The following ASIC2 variants were observed in gnomAD, a reference collection of about 807,000 sequenced individuals.
ASIC2 encodes acid sensing ion channel subunit 2, also known as acid-sensing ion channel 2.
ASIC2 carries 25 observed loss-of-function variants against 57.3 expected under a neutral mutation model. That is an observed-to-expected ratio of 0.44 (90% CI 0.32 to 0.61). The LOEUF (loss-of-function observed/expected upper bound fraction) is 0.61, where lower values mean the gene tolerates loss of function less well. ASIC2 is among the 20% of genes least tolerant of loss of function. The pLI is 0.06. For missense variants in ASIC2, 641 were observed against 738.1 expected, an observed-to-expected ratio of 0.87 and a Z score of 1.52; for synonymous variants, 319 against 307.5, an observed-to-expected ratio of 1.04 and a Z score of -0.39.
intron 3 of ASIC2, among the ~76,000 whole-genome samples, chr17:33,047,729 G>A (rs1023789934): frequency 3.3e-5 from 5 of 152,124 alleles, no homozygotes; most frequent in Admixed American, 3.3e-4. Context: ...AATGATTTCA[G>A]TTGTATATGA....
At chr17:33,479,878 T>A (rs1340274008) in intron 1 of ASIC2, among the ~76,000 whole-genome samples, 1 of 152,194 alleles carries the variant, frequency 6.6e-6, no homozygotes, top group Non-Finnish European at 1.5e-5. Flanking sequence ...CCCGGAACCC[T>A]GGTTCATGGT....
chr17:33,318,121 T>C (rs542757073), intron 1 of ASIC2, among the ~76,000 whole-genome samples: 2 of 152,202 alleles, frequency 1.3e-5, no homozygotes, highest in East Asian at 3.9e-4. Context: ...TCCAGCGACA[T>C]TGCGGGGTGG....
chr17:33,922,485 C>G (rs1915728154), intron 1 of ASIC2, among the ~76,000 whole-genome samples: 1 of 152,196 alleles, frequency 6.6e-6, no homozygotes, highest in Non-Finnish European at 1.5e-5. Context: ...ACAGATACAG[C>G]AGTCACTCAG....
chr17:33,996,575 T>C (rs190103046), intron 1 of ASIC2, among the ~76,000 whole-genome samples: 1 of 152,306 alleles, frequency 6.6e-6, no homozygotes, highest in Admixed American at 6.5e-5. Context: ...AATGTAGATA[T>C]CAAGTTTTCC....
intron 1 of ASIC2, among the ~76,000 whole-genome samples, chr17:33,363,573 G>T (rs1287528797): frequency 6.6e-6 from 1 of 152,206 alleles, no homozygotes; most frequent in Non-Finnish European, 1.5e-5. Flanking sequence ...CTAGCCCTGC[G>T]TTCCGAGCTG....
At chr17:33,098,997 AAT>A (rs752446421) in intron 2 of ASIC2, among the ~76,000 whole-genome samples, 1 of 150,156 alleles carries the variant, frequency 6.7e-6, no homozygotes, top group Non-Finnish European at 1.5e-5. Flanking sequence ...ATAAAAACAA[AAT>A]ATATATATAT....
At chr17:33,596,593 T>C (rs1328864427) in intron 1 of ASIC2, among the ~76,000 whole-genome samples, 5 of 152,172 alleles carry the variant, frequency 3.3e-5, no homozygotes, top group Admixed American at 6.5e-5. Flanking sequence ...ACAAAGAACC[T>C]GCAGTATCTT....
Position 33,088,790 on chromosome 17 carries a change from TCTC to T in ASIC2, c.987+70_987+72del, listed in dbSNP as rs2092145840. 8 of 1,480,736 alleles carry T rather than the reference TCTC, an allele frequency of 5.4e-6. No individual in the cohort carries two copies. In the South Asian group the frequency reaches 1.1e-4, roughly 20 times the overall value. The allele number at this position is 1,480,736 out of a possible 1,614,324, so 91.7% of individuals were successfully genotyped here. A position where few individuals can be genotyped will look rare whatever the true frequency, so the allele number is the denominator to read the frequency against. On this transcript the variant is annotated intron_variant, in intron 3 of 9. Coordinates refer to ENST00000225823, the MANE Select transcript of ASIC2 (RefSeq NM_183377.2). Reference sequence around the variant, plus strand: ...CCCTTGACCGAGTGGGAATTCCATTTCTCCTCCTTGTGCCTCTGCAGGGGGTCG... The same window carrying T: ...CCCTTGACCGAGTGGGAATTCCATTTCTCCTTGTGCCTCTGCAGGGGGTCG...
At position 33,924,906 on chromosome 17, in the gene ASIC2, T is replaced by A. The variant is rs114570410; in HGVS notation, c.555+231072A>T. Among the ~76,000 whole-genome samples the A allele has an allele frequency of 4.0e-3, 604 of 152,308 alleles. 9 individuals are homozygous for A. The highest frequency in any genetic ancestry group is 0.014 in the African/African-American group (564 of 41,564). On this transcript the variant is annotated intron_variant, in intron 1 of 9. Coordinates refer to the ASIC2 transcript ENST00000359872. ...GCTTCGTGATGACCATGCAGACACATGCCATGACAGTCACTTCTTGTTTAG... is the reference window on the plus strand; with the variant it reads ...GCTTCGTGATGACCATGCAGACACAAGCCATGACAGTCACTTCTTGTTTAG...
intron 1 of ASIC2, among the ~76,000 whole-genome samples, chr17:33,276,296 G>T (rs1204375688): frequency 1.3e-5 from 2 of 152,122 alleles, no homozygotes; most frequent in East Asian, 3.9e-4. Context: ...AACAAATGAG[G>T]GTATGAATGA....
At chr17:33,525,610 G>A (rs1914864369) in intron 1 of ASIC2, among the ~76,000 whole-genome samples, 1 of 152,160 alleles carries the variant, frequency 6.6e-6, no homozygotes, top group African/African-American at 2.4e-5. Flanking sequence ...CTCCTGCCTT[G>A]CAGACATGGA....
intron 1 of ASIC2, among the ~76,000 whole-genome samples, chr17:33,746,836 CAAAAT>C (rs1910282670): frequency 6.6e-6 from 1 of 151,890 alleles, no homozygotes; most frequent in Non-Finnish European, 1.5e-5. Flanking sequence ...TGAGACAACA[CAAAAT>C]ATATTCACTG....
chr17:33,374,923 C>T (rs1567840276), intron 1 of ASIC2, among the ~76,000 whole-genome samples: 1 of 152,106 alleles, frequency 6.6e-6, no homozygotes, highest in Admixed American at 6.5e-5. Context: ...TGGAGAATAA[C>T]CTCTATTTTA....
chr17:33,304,658 T>C (rs1322137748), intron 1 of ASIC2, among the ~76,000 whole-genome samples: 1 of 152,188 alleles, frequency 6.6e-6, no homozygotes, highest in African/African-American at 2.4e-5. Flanking sequence ...CTTATGAAGC[T>C]GTACCAGGAT....
At chr17:33,979,880 T>C (rs565081541) in intron 1 of ASIC2, among the ~76,000 whole-genome samples, 43 of 152,180 alleles carry the variant, frequency 2.8e-4, no homozygotes, top group Non-Finnish European at 5.7e-4. Context: ...CTCTCTTGAA[T>C]GGAACTCCAC....
At chr17:33,697,635 A>G (rs1217678304) in intron 1 of ASIC2, among the ~76,000 whole-genome samples, 2 of 152,206 alleles carry the variant, frequency 1.3e-5, no homozygotes, top group African/African-American at 4.8e-5. Flanking sequence ...TCTCCCAACC[A>G]TGGCAGTAAC....
At chr17:34,099,665 A>C (rs1910753500) in intron 1 of ASIC2, among the ~76,000 whole-genome samples, 3 of 141,092 alleles carry the variant, frequency 2.1e-5, no homozygotes, top group Non-Finnish European at 4.4e-5. Context: ...GGAAGGAAGG[A>C]AAGAAAGAAA....
At chr17:33,031,818 G>A (rs1484911138) in intron 3 of ASIC2, among the ~76,000 whole-genome samples, 1 of 152,080 alleles carries the variant, frequency 6.6e-6, no homozygotes, top group Non-Finnish European at 1.5e-5. Flanking sequence ...ACATCTTCTG[G>A]ATGACTTGAC....
intron 3 of ASIC2, among the ~76,000 whole-genome samples, chr17:33,072,837 A>G (rs2092074657): frequency 6.6e-6 from 1 of 152,200 alleles, no homozygotes; most frequent in African/African-American, 2.4e-5. Context: ...CTGATCAATA[A>G]TGAGACATTC....
Sources: gnomAD v4.1 joint callset for allele counts (sites outside exome capture counted in the v4.1 genomes callset) on GRCh38, gnomAD v4.1.1 for gene constraint, MANE v1.5 for transcripts, NCBI Gene and HGNC (gene_info 2026-07-23, HGNC 2026-07-21) for gene names.